The following ARHGAP26 variants were observed in gnomAD, a reference collection of about 807,000 sequenced individuals.
The protein encoded by ARHGAP26 is rho GTPase-activating protein 26.
ARHGAP26 carries 38 observed loss-of-function variants against 104.8 expected under a neutral mutation model. The observed-to-expected ratio is 0.36, with a 90% CI of 0.28 to 0.48. ARHGAP26 has a LOEUF of 0.48. Among genes scored for constraint, ARHGAP26 ranks in the 20% least tolerant of loss-of-function variants. The probability of loss-of-function intolerance (pLI) is 0.99; values close to 1 mark genes in which losing one functional copy is unlikely to be tolerated. For synonymous variants in ARHGAP26, 341 were observed against 340.0 expected (o/e 1.00, Z -0.03); for missense variants, 704 against 947.9 (o/e 0.74, Z 3.38).
intron 5 of ARHGAP26, among the ~76,000 whole-genome samples, chr5:142,890,853 G>C (rs1013007231): frequency 6.6e-6 from 1 of 152,224 alleles, no homozygotes; most frequent in Non-Finnish European, 1.5e-5. Flanking sequence ...TCAATGACTT[G>C]AGCAGGTCTC....
intron 1 of ARHGAP26, among the ~76,000 whole-genome samples, chr5:142,784,295 G>T (rs1758104218): frequency 6.6e-6 from 1 of 152,206 alleles, no homozygotes; most frequent in African/African-American, 2.4e-5. Flanking sequence ...TTTGGCCTCT[G>T]TGTCTTTTGG....
chr5:142,981,590 G>A (rs1773950133), intron 11 of ARHGAP26, among the ~76,000 whole-genome samples: 1 of 152,178 alleles, frequency 6.6e-6, no homozygotes, highest in South Asian at 2.1e-4. Context: ...TTGAAGCCAT[G>A]AGTGTGCTCT....
intron 17 of ARHGAP26, among the ~76,000 whole-genome samples, chr5:143,062,565 T>C (rs1786879285): frequency 6.6e-6 from 1 of 150,858 alleles, no homozygotes; most frequent in South Asian, 2.1e-4. Context: ...GTCTGAGTAC[T>C]TCCAGGCATC....
intron 11 of ARHGAP26, chr5:142,946,937 C>G (rs2152569628): frequency 6.6e-6 from 1 of 152,106 alleles, no homozygotes; most frequent in East Asian, 1.9e-4. Flanking sequence ...GAAAATAGTG[C>G]AAACGTGCGG....
chr5:142,890,306 A>G (rs951587924), intron 5 of ARHGAP26, among the ~76,000 whole-genome samples: 1 of 150,234 alleles, frequency 6.7e-6, no homozygotes, highest in African/African-American at 2.4e-5. Context: ...CTAGGAGAAG[A>G]GGTTTTTGGG....
intron 12 of ARHGAP26, among the ~76,000 whole-genome samples, chr5:143,020,787 C>A (rs538058243): frequency 6.6e-6 from 1 of 151,968 alleles, no homozygotes; most frequent in African/African-American, 2.4e-5. Context: ...TACAGGCACC[C>A]GCCCTCACGC....
chr5:142,963,198 A>ATGTGTGTGTGTGTGTGTGTGTGTGTGTG (rs1217350223), intron 11 of ARHGAP26, among the ~76,000 whole-genome samples: 4 of 98,336 alleles, frequency 4.1e-5, no homozygotes, highest in African/African-American at 1.8e-4. Flanking sequence ...ATATATATAT[A>ATGTGTGTGTGTGTGTGTGTGTGTGTGTG]TGTGTGTGTG....
chr5:142,849,992 A>G (rs1448396677), intron 1 of ARHGAP26, among the ~76,000 whole-genome samples: 13 of 152,112 alleles, frequency 8.5e-5, no homozygotes, highest in Admixed American at 7.9e-4. Flanking sequence ...GACCCTGGCT[A>G]CCTCTAAACT....
chr5:142,941,074 CAAAAAAAAAAAAAA>C (rs1162903888), intron 11 of ARHGAP26, among the ~76,000 whole-genome samples: 3 of 27,242 alleles, frequency 1.1e-4, no homozygotes, highest in African/African-American at 1.6e-4. Flanking sequence ...GACTCCATCT[CAAAAAAAAAAAAAA>C]AAAAAAAAAA....
chr5:143,018,212 T>C (rs183008628), intron 12 of ARHGAP26, among the ~76,000 whole-genome samples: 3 of 152,352 alleles, frequency 2.0e-5, no homozygotes, highest in East Asian at 3.9e-4. Context: ...CTTTTTGATA[T>C]GTAAAAAGTT....
chr5:142,990,431 T>C (rs1303289876), intron 11 of ARHGAP26, among the ~76,000 whole-genome samples: 1 of 152,144 alleles, frequency 6.6e-6, no homozygotes, highest in Middle Eastern at 3.2e-3. Context: ...AGTTTATTCT[T>C]ACCGATCATC....
intron 4 of ARHGAP26, among the ~76,000 whole-genome samples, chr5:142,881,021 A>C (rs1316152381): frequency 6.6e-6 from 1 of 152,270 alleles, no homozygotes; most frequent in East Asian, 1.9e-4. Context: ...ACAAAGTCTT[A>C]TTCCACTAAG....
chr5:142,817,729 T>A (rs1396941058), intron 1 of ARHGAP26, among the ~76,000 whole-genome samples: 1 of 152,154 alleles, frequency 6.6e-6, no homozygotes, highest in Non-Finnish European at 1.5e-5. Context: ...CCAGGAGCAG[T>A]CATTACATCT....
At chr5:142,977,938 A>C (rs985092590) in intron 11 of ARHGAP26, among the ~76,000 whole-genome samples, 1 of 152,166 alleles carries the variant, frequency 6.6e-6, no homozygotes, top group Non-Finnish European at 1.5e-5. Flanking sequence ...GCACCTTGAG[A>C]GGTTTCATCA....
At chr5:142,928,896 CT>C (rs1562097722) in intron 10 of ARHGAP26, among the ~76,000 whole-genome samples, 1 of 152,030 alleles carries the variant, frequency 6.6e-6, no homozygotes, top group East Asian at 1.9e-4. Context: ...TCCAATTTCT[CT>C]TTCATTGTTT....
chr5:143,055,928 C>A, intron 15 of ARHGAP26, 100 bp from the exon 16 acceptor site: 1 of 771,506 alleles, frequency 1.3e-6, no homozygotes, highest in South Asian at 2.0e-5. Flanking sequence ...TCTTTGTCTT[C>A]GAGAAATGTA....
At chr5:142,938,901 C>T (rs918814712) in intron 11 of ARHGAP26, among the ~76,000 whole-genome samples, 2 of 152,128 alleles carry the variant, frequency 1.3e-5, no homozygotes, top group Non-Finnish European at 2.9e-5. Context: ...GAATCTCTTT[C>T]GACAGCCACA....
chr5:142,867,288 GGTGTGTGTGTGTGTGTGTGTGT>G (rs70991782), intron 1 of ARHGAP26, among the ~76,000 whole-genome samples: 11 of 143,696 alleles, frequency 7.7e-5, no homozygotes, highest in Non-Finnish European at 1.5e-4. Context: ...ATTTGCACAG[GGTGTGTGTGTGTGTGTGTGTGT>G]GTGTGTGTGT....
intron 18 of ARHGAP26, among the ~76,000 whole-genome samples, chr5:143,122,480 C>T (rs752343844): frequency 3.9e-5 from 6 of 152,106 alleles, no homozygotes; most frequent in African/African-American, 1.4e-4. Flanking sequence ...CCTTTTATTC[C>T]ACTTAGTCTG....
Sources: gnomAD v4.1 joint callset for allele counts (sites outside exome capture counted in the v4.1 genomes callset) on GRCh38, gnomAD v4.1.1 for gene constraint, MANE v1.5 for transcripts, NCBI Gene and HGNC (gene_info 2026-07-23, HGNC 2026-07-21) for gene names.